The following STEAP1B variants were observed in gnomAD, a reference collection of about 807,000 sequenced individuals.
The protein encoded by STEAP1B is STEAP family protein MGC87042.
Under a neutral mutation model 27.9 loss-of-function variants are expected in STEAP1B, and 13 were observed. The observed-to-expected ratio is 0.47, with a 90% CI of 0.30 to 0.74. The LOEUF is 0.74. Among genes scored for constraint, STEAP1B ranks in the 30% least tolerant of loss-of-function variants. The pLI is 0.06. For missense variants in STEAP1B, 250 were observed against 298.7 expected (o/e 0.84, Z 1.20); for synonymous variants, 86 against 107.1 (o/e 0.80, Z 1.22).
At chr7:22,465,718 C>T (rs74458798) in intron 4 of STEAP1B, among the ~76,000 whole-genome samples, 1 of 152,170 alleles carries the variant, frequency 6.6e-6, no homozygotes, top group Non-Finnish European at 1.5e-5. Flanking sequence ...AGACATGGGG[C>T]TTTATTAGGG....
intron 1 of STEAP1B, among the ~76,000 whole-genome samples, chr7:22,498,261 A>G (rs942787871): frequency 6.6e-6 from 1 of 152,110 alleles, no homozygotes; most frequent in Non-Finnish European, 1.5e-5. Context: ...GTGTTAAACC[A>G]TGAGAAACTG....
At chr7:22,456,972 A>ATATT in intron 4 of STEAP1B, among the ~76,000 whole-genome samples, 1 of 57,042 alleles carries the variant, frequency 1.8e-5, no homozygotes, top group African/African-American at 7.0e-5. Context: ...ATATATATAT[A>ATATT]TTTTTTTTTT....
intron 4 of STEAP1B, among the ~76,000 whole-genome samples, chr7:22,461,453 G>A (rs1785677256): frequency 6.6e-6 from 1 of 152,028 alleles, no homozygotes; most frequent in Non-Finnish European, 1.5e-5. Flanking sequence ...AGTAGAGAGG[G>A]GGTTTCACCA....
chr7:22,454,856 T>TAA (rs1331271456), intron 4 of STEAP1B, among the ~76,000 whole-genome samples: 3 of 84,706 alleles, frequency 3.5e-5, no homozygotes, highest in South Asian at 4.7e-4. Context: ...TATGTATATA[T>TAA]ATATATATAT....
chr7:22,490,982 C>G (rs1425980128), intron 4 of STEAP1B, among the ~76,000 whole-genome samples: 3 of 152,222 alleles, frequency 2.0e-5, no homozygotes, highest in Non-Finnish European at 2.9e-5. Context: ...CGTGATATAT[C>G]TAACCATTGT....
intron 4 of STEAP1B, among the ~76,000 whole-genome samples, chr7:22,423,275 T>G (rs866460510): frequency 1.3e-4 from 20 of 152,150 alleles, no homozygotes; most frequent in Admixed American, 4.6e-4. Flanking sequence ...GGTATCTACT[T>G]AAGAGAAATA....
At chr7:22,487,406 T>G (rs1326476825) in intron 4 of STEAP1B, among the ~76,000 whole-genome samples, 1 of 152,150 alleles carries the variant, frequency 6.6e-6, no homozygotes, top group Non-Finnish European at 1.5e-5. Context: ...GGTCTAACCC[T>G]AATGACAAAA....
At chr7:22,495,297 T>TA (rs1786420709) in intron 1 of STEAP1B, 2 of 152,550 alleles carry the variant, frequency 1.3e-5, no homozygotes, top group South Asian at 4.1e-4. Context: ...GTAGCTGATA[T>TA]AAGATTTATG....
At chr7:22,469,966 C>T (rs1012357533) in intron 4 of STEAP1B, among the ~76,000 whole-genome samples, 2 of 152,186 alleles carry the variant, frequency 1.3e-5, no homozygotes, top group African/African-American at 4.8e-5. Context: ...TGCACACTCA[C>T]ATTCAGATAA....
intron 4 of STEAP1B, among the ~76,000 whole-genome samples, chr7:22,425,144 A>G (rs923332816): frequency 2.0e-5 from 3 of 152,206 alleles, no homozygotes; most frequent in Non-Finnish European, 2.9e-5. Flanking sequence ...CTGTGTCTCT[A>G]AGGTCATCAT....
intron 4 of STEAP1B, among the ~76,000 whole-genome samples, chr7:22,471,060 C>A (rs1052608273): frequency 1.5e-5 from 2 of 133,366 alleles, no homozygotes; most frequent in Non-Finnish European, 3.2e-5. Context: ...ACCTAAAGAG[C>A]CTATTTTTTC....
intron 4 of STEAP1B, among the ~76,000 whole-genome samples, chr7:22,479,631 C>A (rs1786032794): frequency 6.6e-6 from 1 of 151,120 alleles, no homozygotes; most frequent in South Asian, 2.1e-4. Flanking sequence ...CAACCTCTCT[C>A]CCCCTAGAGT....
intron 4 of STEAP1B, among the ~76,000 whole-genome samples, chr7:22,476,733 A>G (rs1785979665): frequency 6.6e-6 from 1 of 152,148 alleles, no homozygotes; most frequent in African/African-American, 2.4e-5. Flanking sequence ...TCTACCATGA[A>G]CCCATTTATT....
chr7:22,499,704 C>G (rs1484091896), intron 1 of STEAP1B, among the ~76,000 whole-genome samples: 1 of 152,310 alleles, frequency 6.6e-6, no homozygotes, highest in South Asian at 2.1e-4. Context: ...AACCCGAAGA[C>G]GAGAAGTAGC....
chr7:22,475,078 A>G (rs1785947711), intron 4 of STEAP1B, among the ~76,000 whole-genome samples: 1 of 152,174 alleles, frequency 6.6e-6, no homozygotes, highest in African/African-American at 2.4e-5. Flanking sequence ...CAGAGAGAAA[A>G]GTAATGCATC....
At chr7:22,471,578 C>G (rs914064665) in intron 4 of STEAP1B, among the ~76,000 whole-genome samples, 1 of 152,130 alleles carries the variant, frequency 6.6e-6, no homozygotes, top group Non-Finnish European at 1.5e-5. Context: ...TTTCAATTAA[C>G]TCACAAGGTA....
At chr7:22,479,238 G>A (rs890882422) in intron 4 of STEAP1B, among the ~76,000 whole-genome samples, 45 of 152,308 alleles carry the variant, frequency 3.0e-4, no homozygotes, top group African/African-American at 1.1e-3. Context: ...GGGAATGGGG[G>A]AGAGGTAGAT....
intron 1 of STEAP1B, among the ~76,000 whole-genome samples, chr7:22,495,635 T>A: frequency 6.6e-6 from 1 of 152,230 alleles, no homozygotes; most frequent in East Asian, 1.9e-4. Context: ...TCTGAATTTA[T>A]TTCCAGAGGA....
intron 4 of STEAP1B, among the ~76,000 whole-genome samples, chr7:22,479,828 G>GCA (rs1437564593): frequency 1.6e-5 from 2 of 125,030 alleles, no homozygotes; most frequent in African/African-American, 2.9e-5. Flanking sequence ...GGGGTTACAG[G>GCA]CACACACCGG....
Sources: allele counts gnomAD v4.1 joint callset (sites outside exome capture counted in the v4.1 genomes callset), GRCh38; gene constraint gnomAD v4.1.1; transcripts MANE v1.5; gene names NCBI Gene and HGNC (gene_info 2026-07-23, HGNC 2026-07-21).